The following PTPRM variants were observed in gnomAD, a reference collection of about 807,000 sequenced individuals.
The protein encoded by PTPRM is protein tyrosine phosphatase receptor type M, also known as receptor-type tyrosine-protein phosphatase mu.
A neutral mutation model predicts 186.7 loss-of-function variants in PTPRM; 47 were observed. The observed-to-expected ratio is 0.25, with a 90% confidence interval of 0.20 to 0.32. PTPRM has a LOEUF of 0.32. Ranked by LOEUF, PTPRM falls within the 10% of genes least tolerant of loss-of-function variation. PTPRM has a pLI of 1.00. For missense variants in PTPRM, 1,494 were observed against 1,865.0 expected, an observed-to-expected ratio of 0.80 and a Z score of 3.66; for synonymous variants, 668 against 674.9, an observed-to-expected ratio of 0.99 and a Z score of 0.16.
intron 2 of PTPRM, among the ~76,000 whole-genome samples, chr18:7,791,144 A>G (rs2043322777): frequency 6.6e-6 from 1 of 152,216 alleles, no homozygotes; most frequent in African/African-American, 2.4e-5. Flanking sequence ...CCATTATAAG[A>G]GCAAATGACA....
At chr18:8,224,806 T>G (rs181661093) in intron 14 of PTPRM, among the ~76,000 whole-genome samples, 2 of 152,214 alleles carry the variant, frequency 1.3e-5, no homozygotes, top group East Asian at 1.9e-4. Flanking sequence ...ATGCTGTCAT[T>G]TAACGCGTCC....
At chr18:8,364,408 A>G (rs1039242337) in intron 23 of PTPRM, among the ~76,000 whole-genome samples, 2 of 152,180 alleles carry the variant, frequency 1.3e-5, no homozygotes, top group Non-Finnish European at 2.9e-5. Flanking sequence ...AAAAAAATCC[A>G]TGTGCATCTT....
chr18:8,388,803 C>T lies in PTPRM; in HGVS notation c.4208+1568C>T, dbSNP rs540482455. On this transcript the variant is annotated intron_variant, in intron 31 of 32. Coordinates refer to ENST00000580170, the MANE Select transcript of PTPRM (RefSeq NM_001105244.2). ...GTTGAAACCCCGTCTCTACTAAAAACACAAAAAATTAGCCAGGCATGGTGG... is the reference window on the plus strand; with the variant it reads ...GTTGAAACCCCGTCTCTACTAAAAATACAAAAAATTAGCCAGGCATGGTGG... Among the ~76,000 whole-genome samples, 1,004 of 152,134 alleles carry T rather than the reference C, an allele frequency of 6.6e-3. 11 individuals are homozygous for T. The highest frequency in any genetic ancestry group is 0.023 in the African/African-American group (957 of 41,512).
At chr18:7,913,144 A>G (rs1387089516) in intron 4 of PTPRM, among the ~76,000 whole-genome samples, 3 of 152,132 alleles carry the variant, frequency 2.0e-5, no homozygotes, top group Non-Finnish European at 4.4e-5. Flanking sequence ...TCGATTGTTC[A>G]TTTCTCGCTT....
chr18:7,819,182 C>A (rs1325917190), intron 2 of PTPRM, among the ~76,000 whole-genome samples: 1 of 152,132 alleles, frequency 6.6e-6, no homozygotes, highest in Non-Finnish European at 1.5e-5. Context: ...TTGGGCTTCA[C>A]CCCCAGGCCT....
At chr18:7,721,746 TACTC>T (rs1219964196) in intron 1 of PTPRM, among the ~76,000 whole-genome samples, 8 of 152,190 alleles carry the variant, frequency 5.3e-5, no homozygotes, top group African/African-American at 1.7e-4. Context: ...TGTCAGAAAT[TACTC>T]AATCATATAT....
At chr18:8,159,102 A>C (rs1166109026) in intron 14 of PTPRM, among the ~76,000 whole-genome samples, 1 of 151,988 alleles carries the variant, frequency 6.6e-6, no homozygotes, top group Non-Finnish European at 1.5e-5. Context: ...TCTTTAATTT[A>C]GATTCATTTA....
intron 19 of PTPRM, among the ~76,000 whole-genome samples, chr18:8,273,432 T>C (rs1202264890): frequency 1.3e-5 from 2 of 152,142 alleles, no homozygotes; most frequent in African/African-American, 4.8e-5. Flanking sequence ...AAAGATGGGA[T>C]TATATGTTCC....
chr18:8,033,603 G>A (rs2086137711), intron 7 of PTPRM, among the ~76,000 whole-genome samples: 1 of 152,102 alleles, frequency 6.6e-6, no homozygotes, highest in South Asian at 2.1e-4. Context: ...GTGTAGAAAA[G>A]GTACAGTAAA....
chr18:8,017,488 C>G (rs2084944880), intron 7 of PTPRM, among the ~76,000 whole-genome samples: 1 of 143,158 alleles, frequency 7.0e-6, no homozygotes, highest in East Asian at 2.1e-4. Flanking sequence ...GAGGCTGAGG[C>G]AAGAGAATTG....
At position 7,956,341 on chromosome 18, in the gene PTPRM, G is replaced by T. The variant is rs116868537; in HGVS notation, c.1132+927G>T. On this transcript the variant is annotated intron_variant, in intron 7 of 32. Coordinates refer to ENST00000580170, the MANE Select transcript of PTPRM (RefSeq NM_001105244.2). ...CAGATTCTATCTGGTAGGAGTAAGA[G>T]AAATTATTAAACCTTAACCATTGTA... Among the ~76,000 whole-genome samples the T allele has an allele frequency of 9.2e-3, 1,408 of 152,288 alleles. 12 individuals are homozygous for T. Among genetic ancestry groups the T allele is most frequent in the South Asian group, 0.019 (92 of 4,826 alleles).
At chr18:8,224,346 C>G (rs2094188728) in intron 14 of PTPRM, among the ~76,000 whole-genome samples, 1 of 152,180 alleles carries the variant, frequency 6.6e-6, no homozygotes, top group African/African-American at 2.4e-5. Flanking sequence ...AACCCTCTTT[C>G]AGGATGAAAC....
Position 8,406,425 on chromosome 18 carries a change from A to G in PTPRM, c.*263A>G. 1 of 468,308 alleles carries G rather than the reference A, an allele frequency of 2.1e-6. No individual in the cohort carries two copies. The highest frequency in any genetic ancestry group is 3.8e-6 in the Non-Finnish European group (1 of 263,184). 29.0% of individuals were successfully genotyped at this position (468,308 alleles called of 1,614,324 possible). A position where few individuals can be genotyped will look rare whatever the true frequency, so the allele number is the denominator to read the frequency against. Reference sequence around the variant, plus strand: ...ACCGGCTTCCTAGAGCAGCGTAGACAGCTGGTAAACTGAAGAGCACAACTA... The same window carrying G: ...ACCGGCTTCCTAGAGCAGCGTAGACGGCTGGTAAACTGAAGAGCACAACTA... On this transcript the variant is annotated 3_prime_UTR_variant, in exon 33 of 33. Coordinates refer to ENST00000580170, the MANE Select transcript of PTPRM (RefSeq NM_001105244.2).
intron 1 of PTPRM, among the ~76,000 whole-genome samples, chr18:7,771,823 T>C (rs941935410): frequency 6.6e-6 from 1 of 152,222 alleles, no homozygotes; most frequent in Non-Finnish European, 1.5e-5. Context: ...AAGATGGCTA[T>C]TACCACAATT....
chr18:8,221,470 T>A (rs1275879395), intron 14 of PTPRM, among the ~76,000 whole-genome samples: 1 of 152,128 alleles, frequency 6.6e-6, no homozygotes, highest in Non-Finnish European at 1.5e-5. Context: ...GGAAAAATGA[T>A]TAGTGAATCA....
At chr18:8,314,936 A>T in intron 21 of PTPRM, 79 bp downstream of exon 21, 1 of 855,348 alleles carries the variant, frequency 1.2e-6, no homozygotes, top group East Asian at 2.8e-5. Flanking sequence ...TGATACATGT[A>T]TACAATGCAT....
Position 8,074,454 on chromosome 18 carries a change from C to G in PTPRM, c.1442-2001C>G, listed in dbSNP as rs578106449. 3.0e-4 allele frequency among the ~76,000 whole-genome samples: 45 copies of G among 152,208 alleles called. 1 individual carries two copies. The highest frequency in any genetic ancestry group is 5.3e-4 in the Non-Finnish European group (36 of 67,998). On this transcript the variant is annotated intron_variant, in intron 8 of 32. Transcript: ENST00000580170. ...TTGTTGGGTTATGTTGTAAATCTAC[C>G]AGTGTTTAACCAATTGAGGCACTGC...
At chr18:8,364,096 G>A (rs1169174083) in intron 23 of PTPRM, among the ~76,000 whole-genome samples, 4 of 152,174 alleles carry the variant, frequency 2.6e-5, no homozygotes, top group African/African-American at 4.8e-5. Context: ...TTGATGTAGT[G>A]CCAGTTTTGA....
chr18:7,772,460 TCC>T (rs2042370051), intron 1 of PTPRM, among the ~76,000 whole-genome samples: 1 of 38,230 alleles, frequency 2.6e-5, no homozygotes, highest in East Asian at 4.5e-3. Flanking sequence ...CTTCCTTCCT[TCC>T]TTCCTTCCTT....
Sources: allele counts gnomAD v4.1 joint callset (sites outside exome capture counted in the v4.1 genomes callset), GRCh38; gene constraint gnomAD v4.1.1; transcripts MANE v1.5; gene names NCBI Gene and HGNC (gene_info 2026-07-23, HGNC 2026-07-21).